Variants in PKIA observed in about 807,000 individuals in gnomAD.
PKIA encodes cAMP-dependent protein kinase inhibitor alpha.
Under a neutral mutation model 7.6 loss-of-function variants are expected in PKIA, and 4 were observed. That is an observed-to-expected ratio of 0.52 (90% CI 0.26 to 1.20). The LOEUF is 1.20. Among genes scored for constraint, PKIA ranks in the 50% most tolerant of loss-of-function variants. PKIA has a pLI of 0.13. For synonymous variants in PKIA, 21 were observed against 30.7 expected, an observed-to-expected ratio of 0.68 and a Z score of 1.04; for missense variants, 73 against 86.2, an observed-to-expected ratio of 0.85 and a Z score of 0.61.
chr8:78,548,675 C>A (rs1176347175), intron 1 of PKIA, among the ~76,000 whole-genome samples: 1 of 152,022 alleles, frequency 6.6e-6, no homozygotes, highest in Non-Finnish European at 1.5e-5. Context: ...TTTCTGGAGA[C>A]AAATAGGCCT....
intron 3 of PKIA, among the ~76,000 whole-genome samples, chr8:78,600,542 C>T (rs1456394367): frequency 6.6e-6 from 1 of 151,996 alleles, no homozygotes; most frequent in African/African-American, 2.4e-5. Context: ...TACATATGCC[C>T]TAATTTGACT....
chr8:78,532,993 G>C (rs1281152601), intron 1 of PKIA, among the ~76,000 whole-genome samples: 1 of 152,150 alleles, frequency 6.6e-6, no homozygotes, highest in Non-Finnish European at 1.5e-5. Context: ...TCTTGTGAGA[G>C]CAAGTGCAGT....
rs140481112 is a variant in PKIA at position 78,544,167 on chromosome 8, T to C, written c.-157+27699T>C. Among the ~76,000 whole-genome samples the C allele has an allele frequency of 6.2e-3, 939 of 152,306 alleles. 13 individuals carry two copies. Among genetic ancestry groups the C allele is most frequent in the African/African-American group, 0.021 (886 of 41,594 alleles). ...TATACAATGTAGATGTATACTACCT[T>C]CTACCTCGTGGCAAACAAGTGCCTT... On this transcript the variant is annotated intron_variant, in intron 1 of 3. Transcript: ENST00000396418.
intron 1 of PKIA, among the ~76,000 whole-genome samples, chr8:78,546,550 T>C (rs1045255437): frequency 1.3e-5 from 2 of 152,106 alleles, no homozygotes; most frequent in African/African-American, 4.8e-5. Flanking sequence ...CAAATCCTAT[T>C]ACCTCAAAAT....
chr8:78,540,392 C>T (rs759077426), intron 1 of PKIA, among the ~76,000 whole-genome samples: 2 of 151,950 alleles, frequency 1.3e-5, no homozygotes, highest in Non-Finnish European at 2.9e-5. Context: ...TAGTATTTAG[C>T]TTCTTATGAT....
At chr8:78,537,294 G>A (rs1206185027) in intron 1 of PKIA, among the ~76,000 whole-genome samples, 1 of 151,588 alleles carries the variant, frequency 6.6e-6, no homozygotes, top group Non-Finnish European at 1.5e-5. Context: ...TACAGTAAAA[G>A]ATAGCTATAA....
At chr8:78,520,314 A>C (rs1809392813) in intron 1 of PKIA, among the ~76,000 whole-genome samples, 1 of 152,200 alleles carries the variant, frequency 6.6e-6, no homozygotes, top group South Asian at 2.1e-4. Context: ...TTATGAGCTT[A>C]AATGTCCTTA....
In PKIA at chr8:78,556,197, A is replaced by T. The variant is rs533479765; in HGVS notation, c.-156-16614A>T. ...TTTTAACAGAATCAGGCAGCCAAAC[A>T]TGACTCACTGTTATTTACATGAGTC... On this transcript the variant is annotated intron_variant, in intron 1 of 3. Coordinates refer to ENST00000396418, the MANE Select transcript of PKIA (RefSeq NM_006823.4). Among the ~76,000 whole-genome samples, 28 of 152,234 alleles carry T rather than the reference A, an allele frequency of 1.8e-4. No homozygotes were observed. The South Asian group carries it at 5.6e-3, about 30-fold the overall frequency.
At position 78,602,317 on chromosome 8, in the gene PKIA, T is replaced by C. The variant is rs1310112542; in HGVS notation, c.*496T>C. ...CTGCTGTGTTATTTACACTGTTTTGTATTGTACAATATATATGCTCAGCAC... is the reference window on the plus strand; with the variant it reads ...CTGCTGTGTTATTTACACTGTTTTGCATTGTACAATATATATGCTCAGCAC... On this transcript the variant is annotated 3_prime_UTR_variant, in exon 4 of 4. Coordinates refer to ENST00000396418, the MANE Select transcript of PKIA (RefSeq NM_006823.4). The C allele has an allele frequency of 6.4e-6, 1 of 156,706 alleles. No individual in the cohort carries two copies. Among genetic ancestry groups the C allele is most frequent in the Non-Finnish European group, 1.4e-5 (1 of 70,988 alleles). The allele number at this position is 156,706 out of a possible 1,614,324, so 9.7% of individuals were successfully genotyped here. A position where few individuals can be genotyped will look rare whatever the true frequency, so the allele number is the denominator to read the frequency against.
chr8:78,555,930 T>C (rs1807122447), intron 1 of PKIA, among the ~76,000 whole-genome samples: 1 of 152,088 alleles, frequency 6.6e-6, no homozygotes, highest in Non-Finnish European at 1.5e-5. Context: ...TTTTGTTTTA[T>C]GGCACTGGTG....
intron 1 of PKIA, among the ~76,000 whole-genome samples, chr8:78,543,424 A>G (rs915998735): frequency 1.3e-5 from 2 of 152,196 alleles, no homozygotes; most frequent in African/African-American, 2.4e-5. Flanking sequence ...AGTACAAACT[A>G]AAGTTTCAGG....
chr8:78,532,168 AG>A (rs1806403632), intron 1 of PKIA, among the ~76,000 whole-genome samples: 2 of 152,092 alleles, frequency 1.3e-5, no homozygotes, highest in African/African-American at 4.8e-5. Context: ...TTCCAATTTG[AG>A]TAATTTTCAC....
chr8:78,527,663 T>G (rs111607456), intron 1 of PKIA, among the ~76,000 whole-genome samples: 35 of 152,196 alleles, frequency 2.3e-4, no homozygotes, highest in African/African-American at 7.9e-4. Context: ...TCATATTAAT[T>G]TTTAAGTATA....
intron 1 of PKIA, among the ~76,000 whole-genome samples, chr8:78,570,926 T>C (rs958138625): frequency 2.0e-5 from 3 of 152,144 alleles, no homozygotes; most frequent in Admixed American, 6.6e-5. Context: ...TTCTCACTTA[T>C]TATTGGTCCA....
chr8:78,546,141 T>C (rs935400364), intron 1 of PKIA, among the ~76,000 whole-genome samples: 6 of 152,188 alleles, frequency 3.9e-5, no homozygotes, highest in Non-Finnish European at 8.8e-5. Context: ...AACTAATACA[T>C]TGAAACTGCT....
At chr8:78,519,875 C>G (rs931781172) in intron 1 of PKIA, among the ~76,000 whole-genome samples, 3 of 152,126 alleles carry the variant, frequency 2.0e-5, no homozygotes, top group Non-Finnish European at 4.4e-5. Flanking sequence ...ATGTCGAAAC[C>G]TTGTTCACCT....
At chr8:78,601,664 T>C in intron 3 of PKIA, 78 bp from the exon 4 acceptor site, 1 of 1,043,148 alleles carries the variant, frequency 9.6e-7, no homozygotes, top group East Asian at 2.6e-5. Context: ...AAGTTACCAA[T>C]ATGACATATT....
At chr8:78,535,893 A>G (rs1402294243) in intron 1 of PKIA, 1 of 152,058 alleles carries the variant, frequency 6.6e-6, no homozygotes, top group Non-Finnish European at 1.5e-5. Context: ...GCGGGTTTTG[A>G]TACAGGGGTG....
chr8:78,582,394 A>C lies in PKIA; in HGVS notation c.-28+9455A>C, dbSNP rs140850850. Among the ~76,000 whole-genome samples the C allele has an allele frequency of 2.6e-5, 4 of 152,136 alleles. No homozygotes were observed. The East Asian group carries it at 7.8e-4, about 30-fold the overall frequency. ...GGCAGGAGAGAGAATGAGTGCAAGC[A>C]GGGGAAATGCCAGACACTTTTCAAA... is the stretch of plus-strand genomic sequence containing the variant. On this transcript the variant is annotated intron_variant, in intron 2 of 3. Transcript: ENST00000396418.
Sources: gnomAD v4.1 joint callset for allele counts (sites outside exome capture counted in the v4.1 genomes callset) on GRCh38, gnomAD v4.1.1 for gene constraint, MANE v1.5 for transcripts, NCBI Gene and HGNC (gene_info 2026-07-23, HGNC 2026-07-21) for gene names.